The following MAGI2 variants were observed in gnomAD, a reference collection of about 807,000 sequenced individuals.
The protein encoded by MAGI2 is membrane-associated guanylate kinase, WW and PDZ domain-containing protein 2.
Under a neutral mutation model 133.3 loss-of-function variants are expected in MAGI2, and 35 were observed. That is an observed-to-expected ratio of 0.26 (90% CI 0.20 to 0.35). The LOEUF (loss-of-function observed/expected upper bound fraction) is 0.35, where lower values mean the gene tolerates loss of function less well. MAGI2 is among the 10% of genes least tolerant of loss of function. The probability of loss-of-function intolerance (pLI) is 1.00; values close to 1 mark genes in which losing one functional copy is unlikely to be tolerated. For missense variants in MAGI2, 1,636 were observed against 1,863.4 expected (o/e 0.88, Z 2.25); for synonymous variants, 729 against 710.6 (o/e 1.03, Z -0.41).
chr7:78,369,811 T>C (rs1041560841), intron 6 of MAGI2, among the ~76,000 whole-genome samples: 1 of 151,964 alleles, frequency 6.6e-6, no homozygotes, highest in Admixed American at 6.6e-5. Context: ...GTTCATATTT[T>C]CAATTCTCCA....
At chr7:78,821,991 T>C (rs918382105) in intron 2 of MAGI2, among the ~76,000 whole-genome samples, 4 of 152,022 alleles carry the variant, frequency 2.6e-5, no homozygotes, top group African/African-American at 9.7e-5. Flanking sequence ...ATATACATTT[T>C]AAGTTGGCTG....
At chr7:78,264,654 C>T (rs562889379) in intron 9 of MAGI2, among the ~76,000 whole-genome samples, 1 of 152,136 alleles carries the variant, frequency 6.6e-6, no homozygotes, top group Non-Finnish European at 1.5e-5. Flanking sequence ...ATAACCATCA[C>T]AAAACATAAG....
chr7:79,452,785 G>T (rs1216646271), intron 1 of MAGI2: 16 of 513,750 alleles, frequency 3.1e-5, no homozygotes, highest in Admixed American at 7.4e-5. Flanking sequence ...CTTCCAAAGG[G>T]GAGGGTCTAA....
intron 16 of MAGI2, among the ~76,000 whole-genome samples, chr7:78,156,406 T>C (rs1824388774): frequency 6.6e-6 from 1 of 152,102 alleles, no homozygotes; most frequent in Admixed American, 6.5e-5. Flanking sequence ...ACAGAACCTA[T>C]AGCCAGAGTA....
At chr7:79,245,913 G>A (rs1257622315) in intron 1 of MAGI2, among the ~76,000 whole-genome samples, 1 of 152,184 alleles carries the variant, frequency 6.6e-6, no homozygotes, top group Admixed American at 6.5e-5. Flanking sequence ...CCCAGCACCA[G>A]GCAGCCCAGC....
intron 20 of MAGI2, among the ~76,000 whole-genome samples, chr7:78,080,994 C>A (rs1053587786): frequency 1.3e-5 from 2 of 152,198 alleles, no homozygotes; most frequent in African/African-American, 4.8e-5. Context: ...CCAGAGTAAT[C>A]CTTCTAAGGA....
intron 8 of MAGI2, among the ~76,000 whole-genome samples, chr7:78,344,791 A>C (rs1790735156): frequency 6.6e-6 from 1 of 152,220 alleles, no homozygotes. Flanking sequence ...GCATAGATTT[A>C]CCTGCTAATT....
chr7:78,229,164 T>A (rs1418703435), intron 10 of MAGI2, among the ~76,000 whole-genome samples: 1 of 152,360 alleles, frequency 6.6e-6, no homozygotes, highest in African/African-American at 2.4e-5. Flanking sequence ...AATGGTCTGT[T>A]AACTGGGGAC....
intron 2 of MAGI2, among the ~76,000 whole-genome samples, chr7:78,943,437 C>A (rs374850637): frequency 6.6e-6 from 1 of 152,008 alleles, no homozygotes; most frequent in South Asian, 2.1e-4. Flanking sequence ...CCTAAGGATG[C>A]GGTACTAATT....
chr7:78,220,401 C>T (rs544367863), intron 10 of MAGI2, among the ~76,000 whole-genome samples: 3 of 152,294 alleles, frequency 2.0e-5, no homozygotes, highest in African/African-American at 7.2e-5. Flanking sequence ...CAGGACACTT[C>T]ATTGTTATGT....
chr7:78,906,047 T>A (rs1205862630), intron 2 of MAGI2, among the ~76,000 whole-genome samples: 1 of 152,014 alleles, frequency 6.6e-6, no homozygotes, highest in Non-Finnish European at 1.5e-5. Flanking sequence ...GACAGAAAGA[T>A]GGAAGCAAGG....
At chr7:78,892,489 G>T (rs1364726364) in intron 2 of MAGI2, among the ~76,000 whole-genome samples, 1 of 151,954 alleles carries the variant, frequency 6.6e-6, no homozygotes, top group Non-Finnish European at 1.5e-5. Flanking sequence ...ATACTACAAG[G>T]CTACAGTAAC....
At chr7:79,116,377 A>T (rs114621191) in intron 1 of MAGI2, among the ~76,000 whole-genome samples, 1,729 of 152,192 alleles carry the variant, frequency 0.011, 36 homozygotes, top group African/African-American at 0.039. Context: ...CAGGGAATGT[A>T]CTATCCCCAT....
chr7:78,586,029 C>T (rs11979133), intron 3 of MAGI2, among the ~76,000 whole-genome samples: 120,066 of 152,074 alleles, frequency 0.79, 47,558 homozygotes, highest in East Asian at 0.91. Context: ...GACTCATATA[C>T]TGGCTGTATT....
At chr7:78,364,927 GTGTC>G (rs2151247884) in intron 7 of MAGI2, among the ~76,000 whole-genome samples, 1 of 152,282 alleles carries the variant, frequency 6.6e-6, no homozygotes, top group East Asian at 1.9e-4. Flanking sequence ...CACGGATTTG[GTGTC>G]TGTCAGGAAA....
intron 20 of MAGI2, among the ~76,000 whole-genome samples, chr7:78,103,077 T>A (rs1818346693): frequency 6.6e-6 from 1 of 152,158 alleles, no homozygotes; most frequent in Non-Finnish European, 1.5e-5. Context: ...CCTGTTGAAG[T>A]CCCATTAAAA....
intron 2 of MAGI2, among the ~76,000 whole-genome samples, chr7:78,656,959 C>A (rs1812355999): frequency 6.9e-6 from 1 of 145,444 alleles, no homozygotes. Flanking sequence ...ACTCTTAAAA[C>A]TCAACAATAA....
At chr7:78,460,373 A>AG (rs1287270158) in intron 6 of MAGI2, among the ~76,000 whole-genome samples, 2 of 152,210 alleles carry the variant, frequency 1.3e-5, no homozygotes, top group Non-Finnish European at 2.9e-5. Context: ...TTTGGTAAAA[A>AG]CAAGGTACTT....
chr7:79,384,458 T>C (rs1225434513), intron 1 of MAGI2, among the ~76,000 whole-genome samples: 1 of 108,036 alleles, frequency 9.3e-6, no homozygotes, highest in Non-Finnish European at 1.8e-5. Flanking sequence ...ATATATTAAG[T>C]CAAATAACTT....
Sources: gnomAD v4.1 joint callset for allele counts (sites outside exome capture counted in the v4.1 genomes callset) on GRCh38, gnomAD v4.1.1 for gene constraint, MANE v1.5 for transcripts, NCBI Gene and HGNC (gene_info 2026-07-23, HGNC 2026-07-21) for gene names.